CXCL12: variants seen among roughly 807,000 people sequenced by gnomAD.
CXCL12 encodes the protein C-X-C motif chemokine ligand 12, also known as stromal cell-derived factor 1.
CXCL12 carries 4 observed loss-of-function variants against 10.7 expected under a neutral mutation model. The ratio of observed to expected loss-of-function variants is 0.37; its 90% CI spans 0.18 to 0.86. The LOEUF is 0.86. Ranked by LOEUF, CXCL12 falls within the 40% of genes least tolerant of loss-of-function variation. The pLI is 0.43. For synonymous variants in CXCL12, 54 were observed against 45.4 expected, an observed-to-expected ratio of 1.19 and a Z score of -0.77; for missense variants, 122 against 110.4, an observed-to-expected ratio of 1.10 and a Z score of -0.47.
At chr10:44,374,478 C>T (rs1359192358), downstream of CXCL12, 1 of 456,066 alleles carries the variant, frequency 2.2e-6, no homozygotes, top group Non-Finnish European at 4.4e-6. Context: ...GACTAGGGCA[C>T]CCCTGTACCC....
chr10:44,379,657 TG>T (rs1467280800), intron 2 of CXCL12, among the ~76,000 whole-genome samples: 1 of 152,118 alleles, frequency 6.6e-6, no homozygotes, highest in East Asian at 1.9e-4. Flanking sequence ...GTTAATTTAG[TG>T]TCTGCTCAGA....
Position 44,378,144 on chromosome 10 carries a change from C to T in CXCL12, c.*489G>A. 1 of 1,436,646 alleles carries T rather than the reference C, an allele frequency of 7.0e-7. No individual in the cohort carries two copies. The highest frequency in any genetic ancestry group is 2.6e-5 in the East Asian group (1 of 38,524). 89.0% of individuals were successfully genotyped at this position (1,436,646 alleles called of 1,614,324 possible). ...TTGGGAGGGGCGCTGCTGCGGGAGCCTCAGTGTCTGAAGAAAGGACACTTT... is the reference window on the plus strand; with the variant it reads ...TTGGGAGGGGCGCTGCTGCGGGAGCTTCAGTGTCTGAAGAAAGGACACTTT... On this transcript the variant is annotated 3_prime_UTR_variant, in exon 3 of 3. Coordinates refer to ENST00000343575, the MANE Select transcript of CXCL12 (RefSeq NM_199168.4).
downstream of CXCL12, chr10:44,372,998 C>T (rs1839352048): frequency 1.3e-6 from 2 of 1,535,954 alleles, no homozygotes; most frequent in Non-Finnish European, 1.7e-6. Flanking sequence ...GTCTCCCCAC[C>T]TGCACAGCTC....
chr10:44,380,814 T>C lies in CXCL12; in HGVS notation c.128A>G (p.Asn43Ser), dbSNP rs750466143. Residue 43 changes from asparagine (N) to serine (S), a missense_variant, in exon 2 of 3, where the codon AAC becomes AGC. Transcript: ENST00000343575. ...GTTGAGAATTTTGAGATGCTTGACG[T>C]TGGCTCTGGCAACATGGCTTTCGAA... ...RFFESHVARANVKHLKILNTP... is the reference protein window; with the variant it reads ...RFFESHVARASVKHLKILNTP... 6.2e-7 allele frequency: 1 copy of C among 1,614,232 alleles called. No homozygotes were observed. Among genetic ancestry groups the C allele is most frequent in the South Asian group, 1.1e-5 (1 of 91,086 alleles).
At chr10:44,381,381 G>A (rs796909657) in intron 1 of CXCL12, among the ~76,000 whole-genome samples, 3 of 152,268 alleles carry the variant, frequency 2.0e-5, no homozygotes, top group African/African-American at 7.2e-5. Context: ...CAGGAATGCT[G>A]CCCTCCCCCA....
intron 1 of CXCL12, among the ~76,000 whole-genome samples, chr10:44,383,609 C>CGGGGGGGGGG (rs60154270): frequency 5.5e-5 from 1 of 18,250 alleles, no homozygotes; most frequent in Non-Finnish European, 9.1e-5. Context: ...CCATGACTTG[C>CGGGGGGGGGG]GGGGGGGGGG....
chr10:44,385,046 G>C lies in CXCL12; in HGVS notation c.-41C>G. On this transcript the variant is annotated 5_prime_UTR_variant, in exon 1 of 3. Coordinates refer to ENST00000343575, the MANE Select transcript of CXCL12 (RefSeq NM_199168.4). The stretch of plus-strand genomic sequence containing the variant: ...GCGGGCGGGCGGACGAGCGCGGGTC[G>C]GGGGCCGGACGCCGAGCGGGCAATG... 4 of 1,390,974 alleles carry C rather than the reference G, an allele frequency of 2.9e-6. No individual in the cohort carries two copies. The highest frequency in any genetic ancestry group is 3.0e-5 in the East Asian group (1 of 33,516). 86.2% of individuals were successfully genotyped at this position (1,390,974 alleles called of 1,614,324 possible).
chr10:44,380,550 C>G (rs1839599647), intron 2 of CXCL12: 2 of 568,616 alleles, frequency 3.5e-6, no homozygotes, highest in South Asian at 4.0e-5. Flanking sequence ...ACGAGCACAG[C>G]AGGGTGCCCA....
intron 1 of CXCL12, among the ~76,000 whole-genome samples, chr10:44,382,237 G>C (rs575191579): frequency 6.6e-6 from 1 of 152,314 alleles, no homozygotes; most frequent in East Asian, 1.9e-4. Context: ...TCTAACTCCA[G>C]AAAGGCACCT....
intron 1 of CXCL12, among the ~76,000 whole-genome samples, chr10:44,384,026 C>T (rs1283351909): frequency 6.6e-6 from 1 of 152,230 alleles, no homozygotes; most frequent in African/African-American, 2.4e-5. Flanking sequence ...GCGAGTTTCT[C>T]TTCAGCGAAA....
chr10:44,378,994 TTTGAAGGA>T (rs1280609160), intron 2 of CXCL12, among the ~76,000 whole-genome samples: 5 of 152,076 alleles, frequency 3.3e-5, no homozygotes, highest in Middle Eastern at 3.2e-3. Flanking sequence ...TTGAGCTGCC[TTTGAAGGA>T]TAAGTAGGAG....
chr10:44,378,506 C>A lies in CXCL12; in HGVS notation c.*127G>T. On this transcript the variant is annotated 3_prime_UTR_variant, in exon 3 of 3. Transcript: ENST00000343575. ...AGGCCCGATCCCAGATCAATGTGCC[C>A]ACCCCACACACACACCTGGTCCTCA... The A allele has an allele frequency of 6.5e-7, 1 of 1,550,182 alleles. No individual in the cohort carries two copies. Among genetic ancestry groups the A allele is most frequent in the African/African-American group, 1.4e-5 (1 of 73,868 alleles).
downstream of CXCL12, chr10:44,372,414 C>A: frequency 5.4e-6 from 1 of 183,832 alleles, no homozygotes; most frequent in Non-Finnish European, 1.1e-5. Flanking sequence ...GCCCAAGGAG[C>A]ATCTCCTCGC....
chr10:44,378,872 T>C (rs1218237087), intron 2 of CXCL12, 149 bp from the exon 3 acceptor site: 1 of 745,798 alleles, frequency 1.3e-6, no homozygotes, highest in Non-Finnish European at 2.3e-6. Flanking sequence ...GTGCTCGCGG[T>C]GTGCTGGGGA....
downstream of CXCL12, chr10:44,372,949 A>G: frequency 6.5e-7 from 1 of 1,535,654 alleles, no homozygotes; most frequent in Non-Finnish European, 8.7e-7. Flanking sequence ...GTGGCTCTCC[A>G]CCCTAGGGCT....
Position 44,377,287 on chromosome 10 carries a change from G to C in CXCL12, c.*1346C>G. The C allele has an allele frequency of 1.0e-5, 10 of 997,580 alleles. No individual in the cohort carries two copies. Among genetic ancestry groups the C allele is most frequent in the Non-Finnish European group, 1.2e-5 (10 of 836,998 alleles). 61.8% of individuals were successfully genotyped at this position (997,580 alleles called of 1,614,324 possible). On this transcript the variant is annotated 3_prime_UTR_variant, in exon 3 of 3. Transcript: ENST00000343575. ...TTTCTTTACAAATTGCCAGTAGTTT[G>C]AGATAATAGAGAAGTATAAACTACT...
downstream of CXCL12, chr10:44,374,297 C>T (rs376364453): frequency 3.9e-4 from 149 of 377,272 alleles, 1 homozygote; most frequent in Admixed American, 1.6e-3. Flanking sequence ...AGCCCTGCTG[C>T]ATGTGGAGTC....
chr10:44,378,649 T>C lies in CXCL12; in HGVS notation c.254A>G (p.Lys85Arg), dbSNP rs1427157268. Residue 85 changes from lysine (K) to arginine (R), a missense_variant, in exon 3 of 3, where the codon AAA becomes AGA. Coordinates refer to ENST00000343575, the MANE Select transcript of CXCL12 (RefSeq NM_199168.4). ...KLKWIQEYLE[K>R]ALNK ...CTGTTGTGCTTACTTGTTTAAAGCT[T>C]TCTCCAGGTACTCCTGAATCCACTT... is the stretch of plus-strand genomic sequence containing the variant. 1 of 1,614,116 alleles carries C rather than the reference T, an allele frequency of 6.2e-7. No homozygotes were observed. Among genetic ancestry groups the C allele is most frequent in the Non-Finnish European group, 8.5e-7 (1 of 1,180,060 alleles).
At position 44,378,148 on chromosome 10, in the gene CXCL12, G is replaced by A. The variant is rs41301589; in HGVS notation, c.*485C>T. 2.0e-5 allele frequency: 29 copies of A among 1,434,240 alleles called. No homozygotes were observed. Among genetic ancestry groups the A allele is most frequent in the Non-Finnish European group, 2.5e-5 (27 of 1,096,188 alleles). The allele number at this position is 1,434,240 out of a possible 1,614,324, so 88.8% of individuals were successfully genotyped here. ...GAGGGGCGCTGCTGCGGGAGCCTCA[G>A]TGTCTGAAGAAAGGACACTTTTTCC... On this transcript the variant is annotated 3_prime_UTR_variant, in exon 3 of 3. Coordinates refer to ENST00000343575, the MANE Select transcript of CXCL12 (RefSeq NM_199168.4).
Sources: gnomAD v4.1 joint callset for allele counts (sites outside exome capture counted in the v4.1 genomes callset) on GRCh38, gnomAD v4.1.1 for gene constraint, MANE v1.5 for transcripts, NCBI Gene and HGNC (gene_info 2026-07-23, HGNC 2026-07-21) for gene names.